Variants in CNTNAP2 observed in about 807,000 individuals in gnomAD.
CNTNAP2 encodes contactin-associated protein-like 2.
CNTNAP2 carries 98 observed loss-of-function variants against 155.2 expected under a neutral mutation model. The observed-to-expected ratio is 0.63, with a 90% CI of 0.54 to 0.75. The LOEUF (loss-of-function observed/expected upper bound fraction) is 0.75, where lower values mean the gene tolerates loss of function less well. Ranked by LOEUF, CNTNAP2 falls within the 30% of genes least tolerant of loss-of-function variation. The pLI, the probability that CNTNAP2 is intolerant of heterozygous loss-of-function variation, is 0.00. For synonymous variants in CNTNAP2, 651 were observed against 631.2 expected, an observed-to-expected ratio of 1.03 and a Z score of -0.47; for missense variants, 1,727 against 1,688.1, an observed-to-expected ratio of 1.02 and a Z score of -0.40.
chr7:147,052,659 A>G (rs1216881814), intron 4 of CNTNAP2, among the ~76,000 whole-genome samples: 1 of 151,982 alleles, frequency 6.6e-6, no homozygotes, highest in Non-Finnish European at 1.5e-5. Context: ...TTTAAATCAC[A>G]CTTTTTTGAG....
At chr7:146,962,207 C>A (rs1245654279) in intron 3 of CNTNAP2, among the ~76,000 whole-genome samples, 1 of 152,084 alleles carries the variant, frequency 6.6e-6, no homozygotes, top group Non-Finnish European at 1.5e-5. Context: ...GCATTAAGAG[C>A]TTCCAAAACA....
At chr7:146,163,926 C>G (rs562380709) in intron 1 of CNTNAP2, among the ~76,000 whole-genome samples, 7 of 152,134 alleles carry the variant, frequency 4.6e-5, no homozygotes, top group Non-Finnish European at 8.8e-5. Flanking sequence ...ACTGATGGTT[C>G]GGAATCCATC....
chr7:147,425,151 G>A, intron 10 of CNTNAP2, among the ~76,000 whole-genome samples: 1 of 146,438 alleles, frequency 6.8e-6, no homozygotes, highest in East Asian at 2.0e-4. Flanking sequence ...TTTTTTTTTA[G>A]AAATTGTTTT....
At chr7:147,868,872 T>C (rs1473905293) in intron 13 of CNTNAP2, among the ~76,000 whole-genome samples, 1 of 152,206 alleles carries the variant, frequency 6.6e-6, no homozygotes, top group Non-Finnish European at 1.5e-5. Context: ...CCAGGTACAG[T>C]CTGTCACGGC....
intron 15 of CNTNAP2, among the ~76,000 whole-genome samples, chr7:148,106,297 T>C (rs1804215358): frequency 6.6e-6 from 1 of 152,114 alleles, no homozygotes; most frequent in African/African-American, 2.4e-5. Flanking sequence ...TGATTTATAC[T>C]GAAGATCTAA....
chr7:146,812,443 A>T (rs868254712), intron 2 of CNTNAP2, among the ~76,000 whole-genome samples: 2 of 130,076 alleles, frequency 1.5e-5, no homozygotes, highest in African/African-American at 7.9e-5. Context: ...ATATATATAA[A>T]AAATATATAT....
At chr7:147,828,469 T>C (rs1798494782) in intron 13 of CNTNAP2, among the ~76,000 whole-genome samples, 1 of 152,202 alleles carries the variant, frequency 6.6e-6, no homozygotes, top group Non-Finnish European at 1.5e-5. Context: ...ATTGGGATGA[T>C]TCTTAAAATC....
intron 21 of CNTNAP2, among the ~76,000 whole-genome samples, chr7:148,302,067 C>T (rs557779391): frequency 6.6e-6 from 1 of 152,320 alleles, no homozygotes; most frequent in African/African-American, 2.4e-5. Flanking sequence ...AGGCAACAGA[C>T]ACATAAGATT....
chr7:146,259,904 C>T (rs1224516005), intron 1 of CNTNAP2, among the ~76,000 whole-genome samples: 4 of 152,186 alleles, frequency 2.6e-5, no homozygotes, highest in Admixed American at 2.6e-4. Flanking sequence ...GTCTCCAGGC[C>T]ACATCAGAGA....
At chr7:146,946,650 T>C (rs1277573089) in intron 3 of CNTNAP2, among the ~76,000 whole-genome samples, 2 of 152,128 alleles carry the variant, frequency 1.3e-5, no homozygotes. Context: ...TAAAATCATG[T>C]ATAACTAGGC....
At chr7:147,158,507 G>A (rs996597664) in intron 8 of CNTNAP2, among the ~76,000 whole-genome samples, 1 of 152,074 alleles carries the variant, frequency 6.6e-6, no homozygotes, top group African/African-American at 2.4e-5. Flanking sequence ...ACACTGCTAA[G>A]TTAAATCCCA....
In CNTNAP2 at chr7:146,197,794, C is replaced by A. The variant is rs187272998; in HGVS notation, c.97+80821C>A. ...TAAAAATATGGCTCAAATTAAAAGC[C>A]GGTTTCTTGAGGTTTTCAGGTATAT... On this transcript the variant is annotated intron_variant, in intron 1 of 23. Coordinates refer to ENST00000361727, the MANE Select transcript of CNTNAP2 (RefSeq NM_014141.6). Among the ~76,000 whole-genome samples the A allele has an allele frequency of 3.3e-5, 5 of 151,924 alleles. No individual in the cohort carries two copies. The East Asian group carries it at 7.7e-4, about 23-fold the overall frequency.
intron 15 of CNTNAP2, among the ~76,000 whole-genome samples, chr7:148,095,860 A>C (rs1177612861): frequency 6.6e-6 from 1 of 152,226 alleles, no homozygotes; most frequent in East Asian, 1.9e-4. Context: ...TCCTGCCCAG[A>C]ATTTTCTAAT....
chr7:147,247,342 T>C (rs1804090382), intron 8 of CNTNAP2, among the ~76,000 whole-genome samples: 1 of 152,148 alleles, frequency 6.6e-6, no homozygotes, highest in African/African-American at 2.4e-5. Flanking sequence ...GCATTAACTA[T>C]AATGCCCATC....
intron 3 of CNTNAP2, among the ~76,000 whole-genome samples, chr7:147,017,963 A>G (rs1224192544): frequency 1.3e-5 from 2 of 152,028 alleles, no homozygotes; most frequent in Non-Finnish European, 1.5e-5. Context: ...GGAACCACTA[A>G]CATCTCTATC....
chr7:147,441,704 T>C (rs1180268219), intron 10 of CNTNAP2, among the ~76,000 whole-genome samples: 6 of 152,164 alleles, frequency 3.9e-5, no homozygotes, highest in African/African-American at 1.2e-4. Context: ...TGCAGACTCA[T>C]ACAGATTCAT....
chr7:147,625,093 T>C (rs1300963094), intron 12 of CNTNAP2, among the ~76,000 whole-genome samples: 1 of 152,098 alleles, frequency 6.6e-6, no homozygotes, highest in East Asian at 1.9e-4. Flanking sequence ...GGAAGGATGG[T>C]TTCCAGAGGC....
chr7:148,227,207 C>T (rs1045461673), intron 19 of CNTNAP2, among the ~76,000 whole-genome samples: 7 of 152,024 alleles, frequency 4.6e-5, no homozygotes, highest in African/African-American at 1.7e-4. Context: ...GAATTCTGTG[C>T]CGAGTGAAGA....
intron 11 of CNTNAP2, chr7:147,496,787 T>G (rs1798717044): frequency 7.2e-6 from 1 of 137,934 alleles, no homozygotes; most frequent in Admixed American, 7.6e-5. Flanking sequence ...TTCCCGTATT[T>G]TTTATTTTTT....
Sources: gnomAD v4.1 joint callset for allele counts (sites outside exome capture counted in the v4.1 genomes callset) on GRCh38, gnomAD v4.1.1 for gene constraint, MANE v1.5 for transcripts, NCBI Gene and HGNC (gene_info 2026-07-23, HGNC 2026-07-21) for gene names.